NR5A1: variants seen among roughly 807,000 people sequenced by gnomAD.
The protein encoded by NR5A1 is steroidogenic factor 1.
Under a neutral mutation model 42.7 loss-of-function variants are expected in NR5A1, and 6 were observed. That is an observed-to-expected ratio of 0.14 (90% CI 0.08 to 0.28). NR5A1 has a LOEUF of 0.28. Ranked by LOEUF, NR5A1 falls within the 10% of genes least tolerant of loss-of-function variation. The pLI is 1.00. For synonymous variants in NR5A1, 274 were observed against 277.5 expected (o/e 0.99, Z 0.12); for missense variants, 442 against 626.4 (o/e 0.71, Z 3.14).
In NR5A1 at chr9:124,503,251, C is replaced by T. The variant is rs1432953138; in HGVS notation, c.103-31G>A. ...GGAGCTGAGAGTCAGCGAGGCCCCG[C>T]AGCGCCCGTCTGCCGCACCCCTGCC... On this transcript the variant is annotated intron_variant, in intron 2 of 6. Coordinates refer to ENST00000373588, the MANE Select transcript of NR5A1 (RefSeq NM_004959.5). This position sits in a 1 kb window ranked among gnomAD's most constrained non-coding sequence, Gnocchi z 9.6. 3.1e-6 allele frequency: 5 copies of T among 1,604,342 alleles called. No homozygotes were observed. Among genetic ancestry groups the T allele is most frequent in the Non-Finnish European group, 1.7e-6 (2 of 1,176,254 alleles).
At position 124,503,110 on chromosome 9, in the gene NR5A1, C is replaced by G. The variant is rs865902758; in HGVS notation, c.213G>C (p.Gln71His). 1.3e-5 allele frequency: 20 copies of G among 1,592,268 alleles called. No individual in the cohort carries two copies. The highest frequency in any genetic ancestry group is 1.7e-5 in the Non-Finnish European group (20 of 1,170,984). ...QRKRCPFCRF[Q>H]KCLTVGMRLE... The stretch of plus-strand genomic sequence containing the variant: ...GGCGCATCCCCACCGTCAGGCATTT[C>G]TGGAAGCGGCAGAAGGGACAGCGCT... The change falls in exon 3 of 7, where the codon CAG (glutamine) becomes CAC (histidine). Residue 71 changes from glutamine (Q) to histidine (H), a missense_variant. Gln to His is a conservative substitution (Grantham distance 24, BLOSUM62 0). This residue lies in a region of NR5A1 where 71 missense variants were observed against 156.8 expected (regional missense o/e 0.45). Coordinates refer to ENST00000373588, the MANE Select transcript of NR5A1 (RefSeq NM_004959.5). The surrounding 1 kb of genome is among the most constrained non-coding windows in gnomAD (Gnocchi z 9.6).
In NR5A1 at chr9:124,491,343, G is replaced by A. The variant is rs969355516; in HGVS notation, c.991-115C>T. The stretch of plus-strand genomic sequence containing the variant: ...TGGATTGGAGGTGCAGGTCAGATGG[G>A]CTGGCGTCAGGAGGGCCCAGCCTTG... On this transcript the variant is annotated intron_variant, in intron 5 of 6. Transcript: ENST00000373588. 9.8e-6 allele frequency: 8 copies of A among 814,846 alleles called. No homozygotes were observed. In the Middle Eastern group the frequency reaches 1.5e-3, roughly 151 times the overall value. 50.5% of individuals were successfully genotyped at this position (814,846 alleles called of 1,614,324 possible). A position where few individuals can be genotyped will look rare whatever the true frequency, so the allele number is the denominator to read the frequency against.
chr9:124,496,182 G>GCA lies in NR5A1; in HGVS notation c.871-3034_871-3033insTG, dbSNP rs1190979816. On this transcript the variant is annotated intron_variant, in intron 4 of 6. Coordinates refer to ENST00000373588, the MANE Select transcript of NR5A1 (RefSeq NM_004959.5). This position sits in a 1 kb window ranked among gnomAD's most constrained non-coding sequence, Gnocchi z 5.0. ...AAACACTCCCCACACAGATGAGAATGCGCACACACACACACACACACACAC... is the reference window on the plus strand; with the variant it reads ...AAACACTCCCCACACAGATGAGAATGCACGCACACACACACACACACACACAC... 6.8e-6 allele frequency among the ~76,000 whole-genome samples: 1 copy of GCA among 146,490 alleles called. No homozygotes were observed. The highest frequency in any genetic ancestry group is 2.7e-5 in the African/African-American group (1 of 36,458).
At chr9:124,485,939 G>A (rs529037179) in intron 6 of NR5A1, among the ~76,000 whole-genome samples, 36 of 152,254 alleles carry the variant, frequency 2.4e-4, no homozygotes, top group Admixed American at 5.2e-4. Context: ...ACCAGCTCAA[G>A]GCCACACATC....
chr9:124,493,818 G>T (rs1252990646), intron 4 of NR5A1, among the ~76,000 whole-genome samples: 3 of 152,228 alleles, frequency 2.0e-5, no homozygotes. Context: ...TGCCCAGGCT[G>T]CGGCCAGAGA....
intron 4 of NR5A1, among the ~76,000 whole-genome samples, chr9:124,499,002 C>T (rs1163855389): frequency 6.6e-6 from 1 of 152,198 alleles, no homozygotes; most frequent in Non-Finnish European, 1.5e-5. Context: ...ATTGACAATG[C>T]TGCTCAAGGC....
At chr9:124,499,981 G>A (rs144277131) in intron 4 of NR5A1, 109 bp downstream of exon 4, 9 of 1,548,444 alleles carry the variant, frequency 5.8e-6, no homozygotes, top group Non-Finnish European at 6.2e-6. Flanking sequence ...CCCAGGTACT[G>A]CCTGAAGCCA....
chr9:124,491,136 C>T lies in NR5A1; in HGVS notation c.1083G>A (p.Leu361=). ...AGACAAACTCCTGCCGGTCCAGCTG[C>T]AGCGCAAGCAGCTGCAGCACCAGCT... ...AQELVLQLLA[L]QLDRQEFVCL... is the part of the protein sequence containing the mutation. Residue 361 remains leucine (L), a synonymous_variant, in exon 6 of 7, where the codon CTG becomes CTA. Coordinates refer to ENST00000373588, the MANE Select transcript of NR5A1 (RefSeq NM_004959.5). 1 of 1,608,594 alleles carries T rather than the reference C, an allele frequency of 6.2e-7. No homozygotes were observed. Among genetic ancestry groups the T allele is most frequent in the Non-Finnish European group, 8.5e-7 (1 of 1,178,190 alleles).
chr9:124,486,898 T>G (rs1230058910), intron 6 of NR5A1, among the ~76,000 whole-genome samples: 1 of 152,190 alleles, frequency 6.6e-6, no homozygotes, highest in Non-Finnish European at 1.5e-5. Context: ...CTTGGGCAAG[T>G]CACTTCCCCT....
rs1265676460 is a variant in NR5A1, at chr9:124,503,022, AC to A, written c.244+56del. ...TCCCCTCAGCCCCTCTCCCACCCCC[AC>A]CCCCTACCCCCTCAGGCTGTGGGGG... On this transcript the variant is annotated intron_variant, in intron 3 of 6. Coordinates refer to ENST00000373588, the MANE Select transcript of NR5A1 (RefSeq NM_004959.5). This position sits in a 1 kb window ranked among gnomAD's most constrained non-coding sequence, Gnocchi z 9.6. The A allele has an allele frequency of 2.6e-6, 4 of 1,519,316 alleles. No homozygotes were observed. In the Admixed American group the frequency reaches 6.0e-5, roughly 23 times the overall value. The allele number at this position is 1,519,316 out of a possible 1,614,324, so 94.1% of individuals were successfully genotyped here. A position where few individuals can be genotyped will look rare whatever the true frequency, so the allele number is the denominator to read the frequency against.
rs562329916 is a variant in NR5A1 at position 124,496,847 on chromosome 9, G to C, written c.870+3243C>G. ...CTCCTGGCCCCCACCGTCCCCCCGGGTCCTCCCTTGCATCCTCCCAGCCTG... is the reference window on the plus strand; with the variant it reads ...CTCCTGGCCCCCACCGTCCCCCCGGCTCCTCCCTTGCATCCTCCCAGCCTG... On this transcript the variant is annotated intron_variant, in intron 4 of 6. Coordinates refer to ENST00000373588, the MANE Select transcript of NR5A1 (RefSeq NM_004959.5). The surrounding 1 kb of genome is among the most constrained non-coding windows in gnomAD (Gnocchi z 5.0). Among the ~76,000 whole-genome samples the C allele has an allele frequency of 6.6e-6, 1 of 152,188 alleles. No individual in the cohort carries two copies. Among genetic ancestry groups the C allele is most frequent in the Admixed American group, 6.5e-5 (1 of 15,274 alleles).
chr9:124,487,377 A>ATGC (rs943126404), intron 6 of NR5A1, among the ~76,000 whole-genome samples: 2 of 152,224 alleles, frequency 1.3e-5, no homozygotes, highest in African/African-American at 4.8e-5. Flanking sequence ...GCTTAAGGGA[A>ATGC]TGCTGCTGCC....
chr9:124,495,564 A>G (rs370803345), intron 4 of NR5A1, among the ~76,000 whole-genome samples: 1 of 152,266 alleles, frequency 6.6e-6, no homozygotes, highest in South Asian at 2.1e-4. Context: ...ACTGGCAGCA[A>G]GAAAAACTCA....
Position 124,505,024 on chromosome 9 carries a change from G to A in NR5A1, c.-15-1614C>T, listed in dbSNP as rs144399759. Among the ~76,000 whole-genome samples the A allele has an allele frequency of 9.2e-3, 1,399 of 151,958 alleles. 48 individuals are homozygous for A. The East Asian group carries it at 0.12, about 13-fold the overall frequency. On this transcript the variant is annotated intron_variant, in intron 1 of 6. Coordinates refer to ENST00000373588, the MANE Select transcript of NR5A1 (RefSeq NM_004959.5). ...GCCGGGGGCCGGCCCCTCTATATCG[G>A]CGCGTGCGGTATCCGGGGGCGGAGG...
chr9:124,500,105 G>C lies in NR5A1; in HGVS notation c.855C>G (p.Val285=), dbSNP rs1289366891. 9 of 1,612,996 alleles carry C rather than the reference G, an allele frequency of 5.6e-6. No individual in the cohort carries two copies. The highest frequency in any genetic ancestry group is 7.6e-6 in the Non-Finnish European group (9 of 1,180,042). Residue 285 remains valine (V), a synonymous_variant, in exon 4 of 7, where the codon GTC becomes GTG. Coordinates refer to ENST00000373588, the MANE Select transcript of NR5A1 (RefSeq NM_004959.5). This position sits in a 1 kb window ranked among gnomAD's most constrained non-coding sequence, Gnocchi z 6.9. ...AGAGACTCACCTCCAGCTCCTTGAA[G>C]ACCATGCACCTGCGTGCCCAGTCCA... ...SIVDWARRCM[V]FKELEVADQM... is the part of the protein sequence containing the mutation.
intron 4 of NR5A1, among the ~76,000 whole-genome samples, chr9:124,494,598 G>C (rs1832360738): frequency 6.6e-6 from 1 of 152,196 alleles, no homozygotes; most frequent in African/African-American, 2.4e-5. Flanking sequence ...CCAGAGCAGT[G>C]GTCAGAGGGG....
rs1380229146 is a variant in NR5A1 at position 124,496,563 on chromosome 9, C to A, written c.871-3414G>T. Among the ~76,000 whole-genome samples the A allele has an allele frequency of 6.6e-6, 1 of 152,126 alleles. No individual in the cohort carries two copies. The highest frequency in any genetic ancestry group is 1.9e-4 in the East Asian group (1 of 5,180). The stretch of plus-strand genomic sequence containing the variant: ...AGCTGACCTCCCTCCCAGCAGGGCC[C>A]CTCTGGAGCCCCCTGGGGTCCGATT... On this transcript the variant is annotated intron_variant, in intron 4 of 6. Transcript: ENST00000373588. The surrounding 1 kb of genome is among the most constrained non-coding windows in gnomAD (Gnocchi z 5.0).
In NR5A1 at chr9:124,482,128, A is replaced by G. The variant is rs1832134336; in HGVS notation, c.*630T>C. 1 of 154,740 alleles carries G rather than the reference A, an allele frequency of 6.5e-6. No individual in the cohort carries two copies. Among genetic ancestry groups the G allele is most frequent in the African/African-American group, 2.4e-5 (1 of 41,438 alleles). 9.6% of individuals were successfully genotyped at this position (154,740 alleles called of 1,614,324 possible). A position where few individuals can be genotyped will look rare whatever the true frequency, so the allele number is the denominator to read the frequency against. On this transcript the variant is annotated 3_prime_UTR_variant, in exon 7 of 7. Transcript: ENST00000373588. ...AAAGTTTTTTCCCGATGATGTATCA[A>G]TGCCCCCTCTTGCAGAGGTCAGGTG... is the stretch of plus-strand genomic sequence containing the variant.
chr9:124,493,973 C>T (rs1832353243), intron 4 of NR5A1, among the ~76,000 whole-genome samples: 1 of 152,138 alleles, frequency 6.6e-6, no homozygotes, highest in African/African-American at 2.4e-5. Flanking sequence ...GAGACTCTCC[C>T]GGGATCACAC....
Sources: gnomAD v4.1 joint callset for allele counts (sites outside exome capture counted in the v4.1 genomes callset) on GRCh38, gnomAD v4.1.1 for gene constraint, gnomAD v4.1.1 regional missense constraint, Gnocchi (gnomAD v3.1) non-coding constraint, MANE v1.5 for transcripts, NCBI Gene and HGNC (gene_info 2026-07-23, HGNC 2026-07-21) for gene names.